Variants in CIITA observed in about 807,000 individuals in gnomAD.
The protein encoded by CIITA is class II major histocompatibility complex transactivator.
In CIITA, 72 loss-of-function variants were observed where a neutral mutation model predicts 115.1. The observed-to-expected ratio is 0.63, with a 90% confidence interval of 0.52 to 0.76. CIITA has a LOEUF of 0.76. Ranked by LOEUF, CIITA falls within the 30% of genes least tolerant of loss-of-function variation. The pLI is 0.00. For missense variants in CIITA, 1,617 were observed against 1,463.8 expected (o/e 1.10, Z -1.71); for synonymous variants, 763 against 635.6 (o/e 1.20, Z -3.02).
intron 1 of CIITA, among the ~76,000 whole-genome samples, chr16:10,880,937 C>G (rs954675340): frequency 2.6e-5 from 4 of 152,140 alleles, no homozygotes; most frequent in African/African-American, 9.7e-5. Flanking sequence ...AATATTCATG[C>G]ATTGGGAATA....
intron 1 of CIITA, among the ~76,000 whole-genome samples, chr16:10,892,739 C>T (rs11641185): frequency 0.53 from 80,550 of 152,106 alleles, 26,376 homozygotes; most frequent in Non-Finnish European, 0.73. Context: ...TCAAGACCAG[C>T]GTGGCCAACA....
Position 10,920,240 on chromosome 16 carries a change from TTTC to T in CIITA, c.3149+1717_3149+1719del, listed in dbSNP as rs1201151069. On this transcript the variant is annotated intron_variant, in intron 16 of 19. Transcript: ENST00000324288. This position sits in a 1 kb window ranked among gnomAD's most constrained non-coding sequence, Gnocchi z 4.5. ...GGCGACACTTGATCTGATTTACACT[TTTC>T]TTTTTTCTTTTCTTTTCTTTTTGAG... Among the ~76,000 whole-genome samples, 1 of 152,162 alleles carries T rather than the reference TTTC, an allele frequency of 6.6e-6. No individual in the cohort carries two copies. Among genetic ancestry groups the T allele is most frequent in the African/African-American group, 2.4e-5 (1 of 41,440 alleles).
Position 10,910,275 on chromosome 16 carries a change from G to A in CIITA, c.2888+16G>A. 6.2e-7 allele frequency: 1 copy of A among 1,612,402 alleles called. No individual in the cohort carries two copies. Among genetic ancestry groups the A allele is most frequent in the East Asian group, 2.2e-5 (1 of 44,862 alleles). On this transcript the variant is annotated intron_variant, in intron 13 of 19. Transcript: ENST00000324288. ...TGGAGTTTGCGTAAGCAAAGGGGTGGATTGTCTTGTGGGTCTGCGCAAGGT... is the reference window on the plus strand; with the variant it reads ...TGGAGTTTGCGTAAGCAAAGGGGTGAATTGTCTTGTGGGTCTGCGCAAGGT...
chr16:10,913,065 T>C (rs1207651073), intron 13 of CIITA, among the ~76,000 whole-genome samples: 2 of 152,120 alleles, frequency 1.3e-5, no homozygotes, highest in African/African-American at 4.8e-5. Context: ...CGCTGGGTGC[T>C]CTCTCCATTC....
intron 1 of CIITA, among the ~76,000 whole-genome samples, chr16:10,886,504 A>C (rs777144887): frequency 3.3e-5 from 5 of 152,138 alleles, no homozygotes; most frequent in Non-Finnish European, 5.9e-5. Flanking sequence ...CCAAGAGCTG[A>C]ATTGCCAGGT....
At position 10,916,430 on chromosome 16, in the gene CIITA, C is replaced by G. The variant is rs576290462; in HGVS notation, c.3033C>G (p.Phe1011Leu). 202 of 1,612,982 alleles carry G rather than the reference C, an allele frequency of 1.3e-4. 4 individuals carry two copies. In the South Asian group the frequency reaches 2.0e-3, roughly 16 times the overall value. The change falls in exon 15 of 20, where the codon TTC (phenylalanine) becomes TTG (leucine). Residue 1011 changes from phenylalanine (F) to leucine (L), a missense_variant. Coordinates refer to ENST00000324288, the MANE Select transcript of CIITA (RefSeq NM_000246.4). ...DEGVSQLSAT[F>L]PQLKSLETLN... is the part of the protein sequence containing the mutation. ...GTGTCTCGCAGCTCTCAGCCACCTT[C>G]CCCCAGCTGAAGTCCTTGGAAACCC... is the stretch of plus-strand genomic sequence containing the variant.
Position 10,941,581 on chromosome 16 carries a change from C to CA in CIITA, n.708dup. 10 of 1,460,098 alleles carry CA rather than the reference C, an allele frequency of 6.8e-6. No individual in the cohort carries two copies. The highest frequency in any genetic ancestry group is 9.0e-6 in the Non-Finnish European group (10 of 1,105,596). 90.4% of individuals were successfully genotyped at this position (1,460,098 alleles called of 1,614,324 possible). Reference sequence around the variant, plus strand: ...AGAGGGCACTTACAGGCCTCGGAGGCAGGGGAGGGTCTCCTCCTGGGGAAC... The same window carrying CA: ...AGAGGGCACTTACAGGCCTCGGAGGCAAGGGGAGGGTCTCCTCCTGGGGAAC... On this transcript the variant is annotated non_coding_transcript_exon_variant, in exon 2 of 2. Transcript: ENST00000573379. The surrounding 1 kb of genome is among the most constrained non-coding windows in gnomAD (Gnocchi z 6.4).
chr16:10,907,191 T>C lies in CIITA; in HGVS notation c.1699T>C (p.Ser567Pro), dbSNP rs1352205920. ...LSKADALFEL[S>P]GFSMEQAQAY... ...CAAGGCCGACGCCCTATTTGAGCTG[T>C]CCGGCTTCTCCATGGAGCAGGCCCA... The change falls in exon 11 of 20, where the codon TCC becomes CCC. Residue 567 changes from serine (S) to proline (P), a missense_variant. Transcript: ENST00000324288. This position sits in a 1 kb window ranked among gnomAD's most constrained non-coding sequence, Gnocchi z 5.0. 6.2e-7 allele frequency: 1 copy of C among 1,613,402 alleles called. No individual in the cohort carries two copies.
intron 10 of CIITA, 74 bp from the exon 11 acceptor site, chr16:10,906,425 G>T: frequency 6.6e-7 from 1 of 1,509,526 alleles, no homozygotes; most frequent in South Asian, 1.1e-5. Flanking sequence ...TGGTGGCAGT[G>T]CTGGCCTTGT....
intron 1 of CIITA, among the ~76,000 whole-genome samples, chr16:10,867,266 G>A (rs1415921228): frequency 6.6e-6 from 1 of 150,464 alleles, no homozygotes; most frequent in African/African-American, 2.4e-5. Context: ...AGAGAAATGG[G>A]GTGCAGAGAA....
intron 12 of CIITA, 121 bp from the exon 13 acceptor site, chr16:10,910,067 G>T (rs372029883): frequency 3.5e-4 from 275 of 778,036 alleles, no homozygotes; most frequent in Non-Finnish European, 5.5e-4. Flanking sequence ...GACAACAGTT[G>T]CCCCAAGGAA....
Position 10,923,455 on chromosome 16 carries a change from T to A in CIITA, c.*22+130T>A. The A allele has an allele frequency of 1.1e-5, 8 of 707,990 alleles. No homozygotes were observed. The highest frequency in any genetic ancestry group is 2.0e-5 in the Non-Finnish European group (8 of 398,490). 43.9% of individuals were successfully genotyped at this position (707,990 alleles called of 1,614,324 possible). On this transcript the variant is annotated intron_variant, in intron 19 of 19. Coordinates refer to ENST00000324288, the MANE Select transcript of CIITA (RefSeq NM_000246.4). This position sits in a 1 kb window ranked among gnomAD's most constrained non-coding sequence, Gnocchi z 5.2. Reference sequence around the variant, plus strand: ...CCACCACCCTTGGACGCATGCGTCATCAGAGACATCCCCTCATCTCCACCC... The same window carrying A: ...CCACCACCCTTGGACGCATGCGTCAACAGAGACATCCCCTCATCTCCACCC...
chr16:10,922,339 G>A, intron 17 of CIITA, 68 bp from the exon 18 acceptor site: 3 of 1,607,872 alleles, frequency 1.9e-6, no homozygotes, highest in Non-Finnish European at 1.7e-6. Context: ...AGCTGGATGT[G>A]GGGGTGGCCT....
intron 1 of CIITA, among the ~76,000 whole-genome samples, chr16:10,878,583 T>G (rs1019425713): frequency 6.6e-6 from 1 of 152,202 alleles, no homozygotes; most frequent in African/African-American, 2.4e-5. Flanking sequence ...TCAGGGGCCA[T>G]GTGCCCTCGG....
Position 10,942,637 on chromosome 16 carries a change from C to G in CIITA, n.1763C>G, listed in dbSNP as rs981093380. On this transcript the variant is annotated non_coding_transcript_exon_variant, in exon 2 of 2. Coordinates refer to the CIITA transcript ENST00000573379. The surrounding 1 kb of genome is among the most constrained non-coding windows in gnomAD (Gnocchi z 5.0). Reference sequence around the variant, plus strand: ...TCTGAGTTGCTTTCCTGGTTCGGGTCTGCCCTCAGATCTCAAATCGAATTC... The same window carrying G: ...TCTGAGTTGCTTTCCTGGTTCGGGTGTGCCCTCAGATCTCAAATCGAATTC... The G allele has an allele frequency of 3.9e-5, 6 of 152,344 alleles. No homozygotes were observed. The highest frequency in any genetic ancestry group is 7.3e-5 in the Non-Finnish European group (5 of 68,104). The allele number at this position is 152,344 out of a possible 1,614,324, so 9.4% of individuals were successfully genotyped here.
In CIITA at chr16:10,920,462, G is replaced by A. The variant is rs1297312127; in HGVS notation, c.3150-1705G>A. 6.6e-6 allele frequency among the ~76,000 whole-genome samples: 1 copy of A among 152,198 alleles called. No homozygotes were observed. Among genetic ancestry groups the A allele is most frequent in the East Asian group, 1.9e-4 (1 of 5,186 alleles). ...GGGCTTCGCCATGTGGCCCAGACTG[G>A]TCTTGAAATCCTGGGCCCAAGCGAT... On this transcript the variant is annotated intron_variant, in intron 16 of 19. Transcript: ENST00000324288. The surrounding 1 kb of genome is among the most constrained non-coding windows in gnomAD (Gnocchi z 4.5).
At chr16:10,870,320 G>C (rs2035396590) in intron 1 of CIITA, among the ~76,000 whole-genome samples, 1 of 152,114 alleles carries the variant, frequency 6.6e-6, no homozygotes, top group Non-Finnish European at 1.5e-5. Context: ...AGATATTGCA[G>C]TGCCTTAGGT....
rs773675585 is a variant in CIITA, at chr16:10,906,845, C to G, written c.1353C>G (p.Val451=). 1.2e-6 allele frequency: 2 copies of G among 1,613,360 alleles called. No homozygotes were observed. The highest frequency in any genetic ancestry group is 1.7e-5 in the Admixed American group (1 of 60,030). Residue 451 remains valine, a synonymous_variant, in exon 11 of 20, where the codon GTC becomes GTG. Coordinates refer to ENST00000324288, the MANE Select transcript of CIITA (RefSeq NM_000246.4). The part of the protein sequence containing the change: ...RLPQYDFVFS[V]PCHCLNRPGD... ...CCCAGTACGACTTTGTCTTCTCTGT[C>G]CCCTGCCATTGCTTGAACCGTCCGG...
Position 10,942,530 on chromosome 16 carries a change from T to C in CIITA, n.1656T>C, listed in dbSNP as rs1433299612. On this transcript the variant is annotated non_coding_transcript_exon_variant, in exon 2 of 2. Transcript: ENST00000573379. The surrounding 1 kb of genome is among the most constrained non-coding windows in gnomAD (Gnocchi z 5.0). ...CAGGCCGCCCCCTGCACGCGCTAAT[T>C]GGCCGGCTCAACGCCCGCGCTGATT... 6.6e-6 allele frequency: 1 copy of C among 152,170 alleles called. No individual in the cohort carries two copies. The highest frequency in any genetic ancestry group is 1.5e-5 in the Non-Finnish European group (1 of 68,044). The allele number at this position is 152,170 out of a possible 1,614,324, so 9.4% of individuals were successfully genotyped here. A position where few individuals can be genotyped will look rare whatever the true frequency, so the allele number is the denominator to read the frequency against.
Sources: gnomAD v4.1 joint callset for allele counts (sites outside exome capture counted in the v4.1 genomes callset) on GRCh38, gnomAD v4.1.1 for gene constraint, Gnocchi (gnomAD v3.1) non-coding constraint, MANE v1.5 for transcripts, NCBI Gene and HGNC (gene_info 2026-07-23, HGNC 2026-07-21) for gene names.